Variants in ANK2 observed in about 807,000 individuals in gnomAD.
ANK2 encodes ankyrin-2.
A neutral mutation model predicts 360.5 loss-of-function variants in ANK2; 83 were observed. The ratio of observed to expected loss-of-function variants is 0.23; its 90% CI spans 0.19 to 0.28. ANK2 has a LOEUF of 0.28. Among genes scored for constraint, ANK2 ranks in the 10% least tolerant of loss-of-function variants. The pLI is 1.00. For synonymous variants in ANK2, 1,740 were observed against 1,759.5 expected (o/e 0.99, Z 0.28); for missense variants, 4,201 against 4,795.7 (o/e 0.88, Z 3.66).
chr4:113,127,360 C>T (rs1383224747), intron 1 of ANK2, among the ~76,000 whole-genome samples: 1 of 151,836 alleles, frequency 6.6e-6, no homozygotes, highest in African/African-American at 2.4e-5. Context: ...TATTTTCTCT[C>T]AAGTAACTTC....
intron 1 of ANK2, among the ~76,000 whole-genome samples, chr4:113,072,486 G>A (rs1018845820): frequency 2.6e-5 from 4 of 152,112 alleles, no homozygotes; most frequent in Admixed American, 6.6e-5. Flanking sequence ...TCTTCCTGCC[G>A]GACTGGTCTT....
chr4:113,273,499 T>C (rs188794895), intron 14 of ANK2, among the ~76,000 whole-genome samples: 12 of 152,368 alleles, frequency 7.9e-5, no homozygotes, highest in African/African-American at 2.9e-4. Context: ...AGATACTGCA[T>C]GTTTTTGGAT....
intron 2 of ANK2, among the ~76,000 whole-genome samples, chr4:113,040,669 AT>A (rs2062731678): frequency 6.6e-6 from 1 of 152,080 alleles, no homozygotes; most frequent in South Asian, 2.1e-4. Flanking sequence ...TTAAGCAAGA[AT>A]TTATGGCTCC....
At chr4:112,836,432 T>A (rs572933682) in intron 1 of ANK2, among the ~76,000 whole-genome samples, 1 of 152,288 alleles carries the variant, frequency 6.6e-6, no homozygotes, top group East Asian at 1.9e-4. Flanking sequence ...ACTGCTATAA[T>A]GATAACCTGA....
chr4:113,243,433 A>G (rs1415517611), intron 9 of ANK2, among the ~76,000 whole-genome samples: 1 of 152,146 alleles, frequency 6.6e-6, no homozygotes, highest in Non-Finnish European at 1.5e-5. Context: ...CCAGACTATA[A>G]ATTATGGTTT....
intron 1 of ANK2, among the ~76,000 whole-genome samples, chr4:113,143,704 A>G (rs900596731): frequency 4.6e-5 from 7 of 152,216 alleles, no homozygotes; most frequent in African/African-American, 1.4e-4. Flanking sequence ...AGCACGTATT[A>G]TAAGACTTTG....
In ANK2 at chr4:113,066,628, A is replaced by C. The variant is rs150199393; in HGVS notation, c.84+16816A>C. Among the ~76,000 whole-genome samples the C allele has an allele frequency of 1.3e-3, 193 of 152,270 alleles. 2 individuals are homozygous for C. The highest frequency in any genetic ancestry group is 9.1e-4 in the Non-Finnish European group (62 of 68,024). ...TGACTGAGCTGAGCTTTAAAGAATA[A>C]ATAGGAGTGAGCCAGGCACAGGTGT... On this transcript the variant is annotated intron_variant, in intron 1 of 45. Coordinates refer to ENST00000357077, the MANE Select transcript of ANK2 (RefSeq NM_001148.6).
At chr4:112,991,548 A>G (rs1265202459) in intron 2 of ANK2, among the ~76,000 whole-genome samples, 1 of 150,406 alleles carries the variant, frequency 6.6e-6, no homozygotes, top group Non-Finnish European at 1.5e-5. Context: ...TTTTAATCAA[A>G]TGGCTGTTCA....
chr4:113,196,979 T>A (rs1020765454), intron 3 of ANK2, among the ~76,000 whole-genome samples: 3 of 152,242 alleles, frequency 2.0e-5, no homozygotes, highest in Non-Finnish European at 4.4e-5. Flanking sequence ...TCTGTAAACC[T>A]AGTTTATAAA....
At chr4:113,196,033 T>C (rs960141515) in intron 2 of ANK2, among the ~76,000 whole-genome samples, 2 of 152,198 alleles carry the variant, frequency 1.3e-5, no homozygotes, top group African/African-American at 4.8e-5. Context: ...CCAGAAAGTG[T>C]ACAGAATTTT....
At chr4:113,153,511 T>C (rs1181255407) in intron 1 of ANK2, among the ~76,000 whole-genome samples, 2 of 152,222 alleles carry the variant, frequency 1.3e-5, no homozygotes, top group Admixed American at 1.3e-4. Flanking sequence ...AACAATTTTA[T>C]ATTAGTAAGG....
At chr4:113,210,440 T>A (rs896832973) in intron 4 of ANK2, among the ~76,000 whole-genome samples, 6 of 152,210 alleles carry the variant, frequency 3.9e-5, no homozygotes, top group Non-Finnish European at 7.3e-5. Flanking sequence ...AGTAGCAGGC[T>A]TGGAAGAATT....
rs2095993230 is a variant in ANK2 at position 113,358,759 on chromosome 4, A to G, written c.10141A>G (p.Ser3381Gly). The part of the protein sequence containing the change: ...TVAPQGQDMA[S>G]IAPDNRSKSE... The stretch of plus-strand genomic sequence containing the variant: ...GGCTCCTCAGGGACAGGACATGGCA[A>G]GCATCGCACCAGATAATAGAAGCAA... The change falls in exon 38 of 46, where the codon AGC becomes GGC. Residue 3381 changes from serine (S) to glycine (G), a missense_variant. Around this residue, in one of 4 missense-constraint regions of ANK2, gnomAD observed 2,642 missense variants for 2,714.5 expected, o/e 0.97. Coordinates refer to ENST00000357077, the MANE Select transcript of ANK2 (RefSeq NM_001148.6). The G allele has an allele frequency of 6.2e-7, 1 of 1,614,138 alleles. No homozygotes were observed.
chr4:113,023,437 C>T (rs2058601312), intron 2 of ANK2, among the ~76,000 whole-genome samples: 1 of 152,200 alleles, frequency 6.6e-6, no homozygotes, highest in Non-Finnish European at 1.5e-5. Flanking sequence ...CATGCATGCT[C>T]TACCCTTGGG....
At chr4:112,724,158 G>A in the ANK2 span, among the ~76,000 whole-genome samples, 2 of 150,744 alleles carry the variant, frequency 1.3e-5, no homozygotes, top group South Asian at 2.1e-4. Flanking sequence ...TCTGCCTCCC[G>A]GGTTCAAGTG....
At chr4:113,330,861 C>G (rs1269404057) in intron 27 of ANK2, among the ~76,000 whole-genome samples, 1 of 152,136 alleles carries the variant, frequency 6.6e-6, no homozygotes, top group African/African-American at 2.4e-5. Flanking sequence ...AGTTATGAAA[C>G]AGAATCATTA....
intron 2 of ANK2, among the ~76,000 whole-genome samples, chr4:112,945,212 G>A (rs10015915): frequency 0.31 from 47,242 of 152,072 alleles, 9,139 homozygotes; most frequent in African/African-American, 0.55. Context: ...TATGTTCTGA[G>A]TGTGAAAGAG....
intron 4 of ANK2, among the ~76,000 whole-genome samples, chr4:113,223,113 C>T (rs1263621242): frequency 6.6e-6 from 1 of 152,126 alleles, no homozygotes; most frequent in Non-Finnish European, 1.5e-5. Flanking sequence ...ATCATCCTGA[C>T]CTTAAAGCTT....
intron 2 of ANK2, among the ~76,000 whole-genome samples, chr4:113,035,771 G>A (rs1279230725): frequency 6.6e-6 from 1 of 151,840 alleles, no homozygotes; most frequent in East Asian, 1.9e-4. Flanking sequence ...GAGAAAAAGG[G>A]GTGGAGCAAT....
Sources: gnomAD v4.1 joint callset for allele counts (sites outside exome capture counted in the v4.1 genomes callset) on GRCh38, gnomAD v4.1.1 for gene constraint, gnomAD v4.1.1 regional missense constraint, MANE v1.5 for transcripts, NCBI Gene and HGNC (gene_info 2026-07-23, HGNC 2026-07-21) for gene names.